The following MFN1 variants were observed in gnomAD, a reference collection of about 807,000 sequenced individuals.
The protein encoded by MFN1 is mitofusin 1, also known as mitofusin-1.
In MFN1, 65 loss-of-function variants were observed where a neutral mutation model predicts 92.4. That is an observed-to-expected ratio of 0.70 (90% CI 0.58 to 0.86). The LOEUF (loss-of-function observed/expected upper bound fraction) is 0.86. Among genes scored for constraint, MFN1 ranks in the 40% least tolerant of loss-of-function variants. MFN1 has a pLI of 0.00. For missense variants in MFN1, 781 were observed against 868.0 expected, an observed-to-expected ratio of 0.90 and a Z score of 1.26; for synonymous variants, 297 against 300.9, an observed-to-expected ratio of 0.99 and a Z score of 0.13.
chr3:179,352,640 G>A (rs1287064600), intron 3 of MFN1, among the ~76,000 whole-genome samples: 4 of 152,218 alleles, frequency 2.6e-5, no homozygotes, highest in Non-Finnish European at 5.9e-5. Flanking sequence ...GGCAGCTTAT[G>A]TAAATCTCTT....
At chr3:179,370,389 G>GTTTTTTTTT (rs1354406941) in intron 9 of MFN1, among the ~76,000 whole-genome samples, 16 of 96,762 alleles carry the variant, frequency 1.7e-4, no homozygotes, top group East Asian at 7.4e-4. Flanking sequence ...CATTCACTAA[G>GTTTTTTTTT]TTCTTTTTTT....
intron 14 of MFN1, among the ~76,000 whole-genome samples, chr3:179,382,694 T>TA: frequency 6.6e-6 from 1 of 152,362 alleles, no homozygotes; most frequent in East Asian, 1.9e-4. Flanking sequence ...ACCAACAGTG[T>TA]AAAAGTGTTC....
At chr3:179,359,125 T>G in intron 4 of MFN1, 123 bp downstream of exon 4, 1 of 1,213,212 alleles carries the variant, frequency 8.2e-7, no homozygotes, top group Non-Finnish European at 1.1e-6. Context: ...GTTAATATTT[T>G]TCTTTTTTTT....
At chr3:179,376,911 T>G in intron 10 of MFN1, 131 bp from the exon 11 acceptor site, 68 of 756,496 alleles carry the variant, frequency 9.0e-5, no homozygotes, top group Non-Finnish European at 1.2e-4. Flanking sequence ...TTGAATCCTT[T>G]GAGATGTTAC....
At chr3:179,370,403 T>C (rs1712976604) in intron 9 of MFN1, among the ~76,000 whole-genome samples, 1 of 141,068 alleles carries the variant, frequency 7.1e-6, no homozygotes, top group Non-Finnish European at 1.5e-5. Context: ...TTTTTTTTTT[T>C]TTTTTTTTTT....
chr3:179,382,216 C>T (rs1713495797), intron 14 of MFN1, among the ~76,000 whole-genome samples: 1 of 152,142 alleles, frequency 6.6e-6, no homozygotes, highest in Admixed American at 6.6e-5. Context: ...TGCTATCCCT[C>T]CTCCTTCCTC....
chr3:179,360,258 T>G (rs1712523156), intron 4 of MFN1, among the ~76,000 whole-genome samples: 1 of 152,144 alleles, frequency 6.6e-6, no homozygotes, highest in South Asian at 2.1e-4. Flanking sequence ...TTTAATCGTG[T>G]ATCATTGCTG....
chr3:179,378,212 C>T (rs1306942757), intron 12 of MFN1, 129 bp from the exon 13 acceptor site: 3 of 684,300 alleles, frequency 4.4e-6, no homozygotes, highest in Non-Finnish European at 7.3e-6. Context: ...AAGCAAGACC[C>T]TGTCTCAAAA....
At chr3:179,366,321 A>G (rs1263560018) in intron 7 of MFN1, among the ~76,000 whole-genome samples, 1 of 152,182 alleles carries the variant, frequency 6.6e-6, no homozygotes, top group Non-Finnish European at 1.5e-5. Flanking sequence ...GAGTTCTCCA[A>G]AGTGCTTGGT....
At chr3:179,385,227 T>A (rs1713632172) in intron 14 of MFN1, among the ~76,000 whole-genome samples, 1 of 151,718 alleles carries the variant, frequency 6.6e-6, no homozygotes, top group Admixed American at 6.6e-5. Flanking sequence ...TCCTTTTTTT[T>A]TTTTTTAGTT....
intron 3 of MFN1, among the ~76,000 whole-genome samples, chr3:179,356,477 T>C (rs1418595713): frequency 6.6e-6 from 1 of 152,200 alleles, no homozygotes; most frequent in African/African-American, 2.4e-5. Context: ...ATTCTGACAT[T>C]GAACCAAGAT....
chr3:179,365,175 C>G lies in MFN1; in HGVS notation c.703C>G (p.Leu235Val). Residue 235 changes from leucine (L) to valine (V), a missense_variant, in exon 7 of 18, where the codon CTC becomes GTC. Transcript: ENST00000471841. ...ERLSKPNIFI[L>V]NNRWDASASE... Reference sequence around the variant, plus strand: ...GCTTTCCAAGCCTAATATTTTCATTCTCAATAATCGTTGGGATGCCTCTGC... The same window carrying G: ...GCTTTCCAAGCCTAATATTTTCATTGTCAATAATCGTTGGGATGCCTCTGC... 1 of 1,552,230 alleles carries G rather than the reference C, an allele frequency of 6.4e-7. No individual in the cohort carries two copies. The highest frequency in any genetic ancestry group is 8.6e-7 in the Non-Finnish European group (1 of 1,158,790).
At chr3:179,351,480 T>C (rs1156463924) in intron 2 of MFN1, among the ~76,000 whole-genome samples, 2 of 152,232 alleles carry the variant, frequency 1.3e-5, no homozygotes, top group Non-Finnish European at 2.9e-5. Context: ...GACCTTGCAC[T>C]GTATCTTAAT....
At chr3:179,369,661 A>T (rs575332082) in intron 9 of MFN1, among the ~76,000 whole-genome samples, 65 of 152,304 alleles carry the variant, frequency 4.3e-4, no homozygotes, top group African/African-American at 1.6e-3. Context: ...GACGTGCTTT[A>T]GAGAACCACA....
chr3:179,352,146 T>A (rs1221034342), intron 3 of MFN1, 111 bp downstream of exon 3: 2 of 1,127,820 alleles, frequency 1.8e-6, no homozygotes, highest in Non-Finnish European at 2.5e-6. Flanking sequence ...AGTTTCTGCC[T>A]GTGTTGAATG....
chr3:179,380,770 A>G (rs1713434747), intron 14 of MFN1, among the ~76,000 whole-genome samples: 1 of 152,188 alleles, frequency 6.6e-6, no homozygotes, highest in African/African-American at 2.4e-5. Context: ...TTTAGAATGA[A>G]AGATGCCATA....
intron 3 of MFN1, among the ~76,000 whole-genome samples, chr3:179,356,745 G>T (rs1353167698): frequency 1.3e-5 from 2 of 152,086 alleles, no homozygotes; most frequent in African/African-American, 4.8e-5. Flanking sequence ...TAGGTTCACA[G>T]TTCACTTGAG....
intron 16 of MFN1, 149 bp from the exon 17 acceptor site, chr3:179,389,855 A>G (rs1283436884): frequency 4.5e-6 from 3 of 666,044 alleles, no homozygotes; most frequent in Middle Eastern, 4.3e-4. Flanking sequence ...CACTAGTGCC[A>G]TATCTTCCCT....
chr3:179,376,648 A>G (rs372157992), intron 10 of MFN1, among the ~76,000 whole-genome samples: 13 of 152,324 alleles, frequency 8.5e-5, no homozygotes, highest in Middle Eastern at 3.4e-3. Context: ...ATAATAGGTA[A>G]ATGAATGGGT....
Sources: allele counts gnomAD v4.1 joint callset (sites outside exome capture counted in the v4.1 genomes callset), GRCh38; gene constraint gnomAD v4.1.1; transcripts MANE v1.5; gene names NCBI Gene and HGNC (gene_info 2026-07-23, HGNC 2026-07-21).